The following CHRM3 variants were observed in gnomAD, a reference collection of about 807,000 sequenced individuals.
CHRM3 encodes muscarinic acetylcholine receptor M3.
Under a neutral mutation model 41.8 loss-of-function variants are expected in CHRM3, and 11 were observed. That is an observed-to-expected ratio of 0.26 (90% CI 0.17 to 0.44). The LOEUF is 0.44. Among genes scored for constraint, CHRM3 ranks in the 20% least tolerant of loss-of-function variants. The pLI is 1.00. For missense variants in CHRM3, 571 were observed against 745.4 expected, an observed-to-expected ratio of 0.77 and a Z score of 2.72; for synonymous variants, 297 against 301.4, an observed-to-expected ratio of 0.99 and a Z score of 0.15.
At chr1:239,522,268 G>T (rs1212284079) in intron 2 of CHRM3, among the ~76,000 whole-genome samples, 2 of 152,190 alleles carry the variant, frequency 1.3e-5, no homozygotes, top group African/African-American at 4.8e-5. Context: ...TGAGGATCTT[G>T]AAGAAACCCT....
intron 6 of CHRM3, among the ~76,000 whole-genome samples, chr1:239,905,690 T>C (rs1422365034): frequency 6.6e-6 from 1 of 152,160 alleles, no homozygotes; most frequent in African/African-American, 2.4e-5. Flanking sequence ...TGGGCAAGAC[T>C]CTGTCTCAAA....
chr1:239,742,312 A>T (rs1664929623), intron 5 of CHRM3, among the ~76,000 whole-genome samples: 1 of 152,164 alleles, frequency 6.6e-6, no homozygotes, highest in African/African-American at 2.4e-5. Flanking sequence ...TCAGTTTGGG[A>T]TAGTCTCAGC....
chr1:239,387,389 G>C lies in CHRM3; in HGVS notation c.-521+162G>C, dbSNP rs886172361. ...CAAAGAAGGGGCTGGGTAGGGACGA[G>C]AGAGGCTGTTGATTTGGGGAAGATG... On this transcript the variant is annotated intron_variant, in intron 1 of 6. Transcript: ENST00000676153. This position sits in a 1 kb window ranked among gnomAD's most constrained non-coding sequence, Gnocchi z 5.1. Among the ~76,000 whole-genome samples the C allele has an allele frequency of 5.3e-5, 8 of 152,056 alleles. No homozygotes were observed. Among genetic ancestry groups the C allele is most frequent in the African/African-American group, 1.9e-4 (8 of 41,416 alleles).
chr1:239,460,306 A>AT (rs956863711), intron 1 of CHRM3, among the ~76,000 whole-genome samples: 2 of 151,686 alleles, frequency 1.3e-5, no homozygotes, highest in Non-Finnish European at 2.9e-5. Flanking sequence ...TTCCACTCCT[A>AT]TTTTTTTTCC....
At chr1:239,778,605 C>T (rs75355676) in intron 5 of CHRM3, among the ~76,000 whole-genome samples, 2 of 152,286 alleles carry the variant, frequency 1.3e-5, no homozygotes, top group African/African-American at 4.8e-5. Flanking sequence ...TGGCCCTTCT[C>T]CAGCAACATT....
chr1:239,864,423 C>T lies in CHRM3; in HGVS notation c.-20+37045C>T, dbSNP rs1675905104. ...TAGGGAGGCTGAGGCAGGAGAATCG[C>T]TTGAATCTGGGAGGCGGAGGTTGCG... On this transcript the variant is annotated intron_variant, in intron 6 of 6. Transcript: ENST00000676153. Among the ~76,000 whole-genome samples the T allele has an allele frequency of 1.3e-5, 2 of 152,180 alleles. 1 individual carries two copies. The highest frequency in any genetic ancestry group is 6.8e-3 in the Middle Eastern group (2 of 294).
intron 1 of CHRM3, among the ~76,000 whole-genome samples, chr1:239,472,163 A>G (rs1406397442): frequency 6.6e-6 from 1 of 152,142 alleles, no homozygotes; most frequent in East Asian, 1.9e-4. Context: ...AGCTTGTTAC[A>G]TATCTCTATT....
intron 5 of CHRM3, among the ~76,000 whole-genome samples, chr1:239,738,490 G>A (rs1401695242): frequency 1.3e-5 from 2 of 152,194 alleles, no homozygotes; most frequent in African/African-American, 4.8e-5. Context: ...GGGAGTCCAG[G>A]AAGCATGTAC....
chr1:239,782,511 C>G (rs1668582691), intron 5 of CHRM3, among the ~76,000 whole-genome samples: 1 of 151,940 alleles, frequency 6.6e-6, no homozygotes, highest in Non-Finnish European at 1.5e-5. Context: ...TCTTAGTTGG[C>G]CTGGCTAGAG....
intron 1 of CHRM3, among the ~76,000 whole-genome samples, chr1:239,419,730 G>A (rs1231586554): frequency 6.6e-6 from 1 of 152,082 alleles, no homozygotes; most frequent in Non-Finnish European, 1.5e-5. Flanking sequence ...ACATGAATGC[G>A]AAACAATGTA....
intron 5 of CHRM3, among the ~76,000 whole-genome samples, chr1:239,726,201 G>A (rs900512983): frequency 1.3e-5 from 2 of 151,932 alleles, no homozygotes; most frequent in Non-Finnish European, 2.9e-5. Context: ...TGTAGATCAT[G>A]TGCTATTCTA....
chr1:239,519,740 T>TC (rs1669499848), intron 2 of CHRM3, among the ~76,000 whole-genome samples: 2 of 137,390 alleles, frequency 1.5e-5, no homozygotes, highest in Non-Finnish European at 3.1e-5. Flanking sequence ...AAAAACTAGT[T>TC]CTTTTTTTTT....
intron 3 of CHRM3, among the ~76,000 whole-genome samples, chr1:239,607,201 G>A (rs536267293): frequency 6.6e-6 from 1 of 152,180 alleles, no homozygotes; most frequent in East Asian, 1.9e-4. Flanking sequence ...TTTCCCTGCA[G>A]CATTCACTTA....
In CHRM3 at chr1:239,691,350, T is replaced by C. The variant is rs112011818; in HGVS notation, c.-147+13062T>C. On this transcript the variant is annotated intron_variant, in intron 5 of 6. Transcript: ENST00000676153. ...TTTTACAAATATTATGGTTCTGCCT[T>C]GGTGTTTGCTCAAAGAATTTTACCT... 3.1e-3 allele frequency among the ~76,000 whole-genome samples: 473 copies of C among 152,278 alleles called. 4 individuals carry two copies. Among genetic ancestry groups the C allele is most frequent in the African/African-American group, 0.01 (431 of 41,570 alleles).
intron 5 of CHRM3, among the ~76,000 whole-genome samples, chr1:239,797,606 A>G (rs1196607791): frequency 6.6e-6 from 1 of 152,142 alleles, no homozygotes; most frequent in Non-Finnish European, 1.5e-5. Context: ...TTCGTTCCCC[A>G]TCGGGTCTAT....
At chr1:239,674,215 C>T (rs1159776476) in intron 4 of CHRM3, among the ~76,000 whole-genome samples, 1 of 152,096 alleles carries the variant, frequency 6.6e-6, no homozygotes, top group East Asian at 1.9e-4. Context: ...ATTACTAGGT[C>T]CACAGATATG....
intron 5 of CHRM3, chr1:239,706,436 A>G (rs1320713034): frequency 6.6e-6 from 1 of 152,124 alleles, no homozygotes; most frequent in Non-Finnish European, 1.5e-5. Flanking sequence ...CCTGTTTTCA[A>G]ACACTGTCTC....
chr1:239,775,682 C>T (rs1668033828), intron 5 of CHRM3, among the ~76,000 whole-genome samples: 2 of 152,060 alleles, frequency 1.3e-5, no homozygotes, highest in African/African-American at 2.4e-5. Flanking sequence ...AAGAGGAAAT[C>T]GTGGAATAGC....
At chr1:239,767,493 G>A (rs1667318434) in intron 5 of CHRM3, among the ~76,000 whole-genome samples, 1 of 151,970 alleles carries the variant, frequency 6.6e-6, no homozygotes, top group Non-Finnish European at 1.5e-5. Flanking sequence ...GGGACTTTGG[G>A]GGTTATGATA....
Sources: allele counts gnomAD v4.1 joint callset (sites outside exome capture counted in the v4.1 genomes callset), GRCh38; gene constraint gnomAD v4.1.1; non-coding constraint Gnocchi (gnomAD v3.1); transcripts MANE v1.5; gene names NCBI Gene and HGNC (gene_info 2026-07-23, HGNC 2026-07-21).